Variants in ACSL6 observed in about 807,000 individuals in gnomAD.
ACSL6 encodes long-chain-fatty-acid--CoA ligase 6.
A neutral mutation model predicts 98.2 loss-of-function variants in ACSL6; 47 were observed. The observed-to-expected ratio is 0.48, with a 90% CI of 0.38 to 0.61. The LOEUF (loss-of-function observed/expected upper bound fraction) is 0.61. Ranked by LOEUF, ACSL6 falls within the 20% of genes least tolerant of loss-of-function variation. The probability of loss-of-function intolerance (pLI) is 0.00; values close to 1 mark genes in which losing one functional copy is unlikely to be tolerated. For missense variants in ACSL6, 761 were observed against 913.4 expected (o/e 0.83, Z 2.15); for synonymous variants, 362 against 336.9 (o/e 1.07, Z -0.82).
At chr5:131,956,486 C>T (rs2149679671) in intron 20 of ACSL6, among the ~76,000 whole-genome samples, 1 of 152,290 alleles carries the variant, frequency 6.6e-6, no homozygotes, top group Non-Finnish European at 1.5e-5. Flanking sequence ...CCTTTCAGTC[C>T]CTTAGTGAGC....
At chr5:131,989,182 G>A (rs1431380620) in intron 5 of ACSL6, among the ~76,000 whole-genome samples, 1 of 152,114 alleles carries the variant, frequency 6.6e-6, no homozygotes, top group East Asian at 1.9e-4. Context: ...TTGGCTCAAG[G>A]GGCAGCTGTT....
chr5:132,009,536 C>T (rs1359997228), intron 1 of ACSL6, among the ~76,000 whole-genome samples: 1 of 152,212 alleles, frequency 6.6e-6, no homozygotes. Context: ...CAGCAATTGT[C>T]TGGGTTATTC....
chr5:131,985,936 A>G (rs1342450852), intron 8 of ACSL6, among the ~76,000 whole-genome samples: 1 of 152,238 alleles, frequency 6.6e-6, no homozygotes, highest in Non-Finnish European at 1.5e-5. Flanking sequence ...GCTCTGCATC[A>G]GCCCTTGCCC....
At chr5:131,977,792 C>G (rs546449192) in intron 9 of ACSL6, among the ~76,000 whole-genome samples, 21 of 152,200 alleles carry the variant, frequency 1.4e-4, no homozygotes, top group Non-Finnish European at 2.6e-4. Flanking sequence ...GTGTTGTACT[C>G]GATGCCCCTG....
intron 19 of ACSL6, chr5:131,959,867 G>A: frequency 2.0e-6 from 1 of 496,746 alleles, no homozygotes; most frequent in Non-Finnish European, 3.6e-6. Flanking sequence ...CAGGCTTTTG[G>A]TCAGCCTGGT....
chr5:132,005,355 G>A (rs898706926), intron 1 of ACSL6, among the ~76,000 whole-genome samples: 16 of 152,200 alleles, frequency 1.1e-4, no homozygotes, highest in African/African-American at 3.9e-4. Flanking sequence ...CCAAAGCAGA[G>A]GGGTCACTGC....
chr5:131,977,550 G>A (rs1386461504), intron 9 of ACSL6, among the ~76,000 whole-genome samples: 1 of 152,168 alleles, frequency 6.6e-6, no homozygotes, highest in Non-Finnish European at 1.5e-5. Flanking sequence ...TTCCTTACCT[G>A]TAAGATGGGG....
At position 131,954,197 on chromosome 5, in the gene ACSL6, G is replaced by T; in HGVS notation, c.*37C>A. On this transcript the variant is annotated 3_prime_UTR_variant, in exon 21 of 21. Transcript: ENST00000651883. ...TTCAAGAATAACTATAATATTGCTAGACAGTTCATTACACTGAGAAGAACT... is the reference window on the plus strand; with the variant it reads ...TTCAAGAATAACTATAATATTGCTATACAGTTCATTACACTGAGAAGAACT... 1 of 1,580,638 alleles carries T rather than the reference G, an allele frequency of 6.3e-7. No homozygotes were observed.
chr5:132,005,819 G>A (rs1755375221), intron 1 of ACSL6, among the ~76,000 whole-genome samples: 1 of 152,208 alleles, frequency 6.6e-6, no homozygotes, highest in Non-Finnish European at 1.5e-5. Context: ...GCCAGGCTGT[G>A]CTGAGAGTGA....
chr5:131,993,264 T>G (rs1271813255), intron 2 of ACSL6: 1 of 152,350 alleles, frequency 6.6e-6, no homozygotes, highest in Non-Finnish European at 1.5e-5. Flanking sequence ...AAAGGCAAGG[T>G]GCACAACAGG....
At chr5:132,001,509 G>T (rs971649033) in intron 1 of ACSL6, among the ~76,000 whole-genome samples, 1 of 152,170 alleles carries the variant, frequency 6.6e-6, no homozygotes, top group African/African-American at 2.4e-5. Context: ...CTTGGGAATT[G>T]CCAGGTGGGA....
chr5:132,005,832 C>T (rs879766076), intron 1 of ACSL6, among the ~76,000 whole-genome samples: 20 of 152,298 alleles, frequency 1.3e-4, no homozygotes, highest in Non-Finnish European at 2.4e-4. Context: ...GAGAGTGAGG[C>T]GGGGTCCCAG....
At chr5:131,959,491 C>A (rs766797075) in intron 20 of ACSL6, 45 bp downstream of exon 20, 1 of 1,588,108 alleles carries the variant, frequency 6.3e-7, no homozygotes, top group African/African-American at 1.3e-5. Context: ...TAATTTTCAT[C>A]ACTGCCTGAA....
At chr5:131,971,280 G>T (rs1580644916) in intron 14 of ACSL6, among the ~76,000 whole-genome samples, 1 of 152,284 alleles carries the variant, frequency 6.6e-6, no homozygotes, top group Non-Finnish European at 1.5e-5. Context: ...ATCTGTCTAT[G>T]GTTTGTCTGA....
At chr5:131,985,117 A>G (rs1008241762) in intron 9 of ACSL6, 13 of 441,114 alleles carry the variant, frequency 2.9e-5, no homozygotes, top group Middle Eastern at 6.5e-4. Flanking sequence ...TGCCAGTGAG[A>G]AAGGACCTTC....
At chr5:131,962,208 A>G (rs1425424395) in intron 18 of ACSL6, among the ~76,000 whole-genome samples, 4 of 152,040 alleles carry the variant, frequency 2.6e-5, no homozygotes, top group African/African-American at 9.7e-5. Context: ...TCTCAATAAT[A>G]ATAATAGTAA....
intron 1 of ACSL6, among the ~76,000 whole-genome samples, chr5:132,007,686 T>C (rs569903877): frequency 1.3e-5 from 2 of 152,128 alleles, no homozygotes; most frequent in Non-Finnish European, 2.9e-5. Flanking sequence ...AGGTGCTCAG[T>C]GAAACAACAG....
chr5:131,975,081 G>T (rs1293777423), intron 10 of ACSL6, 111 bp from the exon 11 acceptor site: 1 of 1,459,776 alleles, frequency 6.9e-7, no homozygotes, highest in African/African-American at 1.4e-5. Flanking sequence ...AACAGGAAGA[G>T]GGGGAGGGGA....
intron 15 of ACSL6, among the ~76,000 whole-genome samples, chr5:131,969,776 C>T (rs369223865): frequency 6.6e-6 from 1 of 152,074 alleles, no homozygotes; most frequent in Non-Finnish European, 1.5e-5. Context: ...TCAAAGGCAG[C>T]GGCAACCTCA....
Sources: allele counts gnomAD v4.1 joint callset (sites outside exome capture counted in the v4.1 genomes callset), GRCh38; gene constraint gnomAD v4.1.1; transcripts MANE v1.5; gene names NCBI Gene and HGNC (gene_info 2026-07-23, HGNC 2026-07-21).